The following LSAMP variants were observed in gnomAD, a reference collection of about 807,000 sequenced individuals.
LSAMP encodes the protein limbic system associated membrane protein.
A neutral mutation model predicts 38.6 loss-of-function variants in LSAMP; 7 were observed. The ratio of observed to expected loss-of-function variants is 0.18; its 90% CI spans 0.10 to 0.34. The LOEUF is 0.34. Among genes scored for constraint, LSAMP ranks in the 10% least tolerant of loss-of-function variants. LSAMP has a pLI of 1.00. For missense variants in LSAMP, 313 were observed against 420.0 expected, an observed-to-expected ratio of 0.75 and a Z score of 2.23; for synonymous variants, 154 against 166.8, an observed-to-expected ratio of 0.92 and a Z score of 0.59.
intron 3 of LSAMP, among the ~76,000 whole-genome samples, chr3:116,016,868 T>C (rs1285824315): frequency 6.6e-6 from 1 of 152,174 alleles, no homozygotes; most frequent in Non-Finnish European, 1.5e-5. Flanking sequence ...AGGCAGTACA[T>C]AAATGGAGCA....
intron 1 of LSAMP, among the ~76,000 whole-genome samples, chr3:116,353,984 T>C (rs2107768989): frequency 6.6e-6 from 1 of 152,308 alleles, no homozygotes; most frequent in Non-Finnish European, 1.5e-5. Context: ...ACTTGACAGC[T>C]ATGAGCATTA....
chr3:116,182,468 C>A (rs74419206), intron 1 of LSAMP, among the ~76,000 whole-genome samples: 1 of 151,240 alleles, frequency 6.6e-6, no homozygotes, highest in Non-Finnish European at 1.5e-5. Flanking sequence ...TAGAAGTCTG[C>A]CAATTAAAAC....
intron 3 of LSAMP, among the ~76,000 whole-genome samples, chr3:115,987,447 GT>G (rs1201112580): frequency 6.6e-6 from 1 of 152,118 alleles, no homozygotes; most frequent in Non-Finnish European, 1.5e-5. Flanking sequence ...CACTTTTATT[GT>G]TTTAAACAAT....
chr3:116,186,391 AT>A (rs1359255762), intron 1 of LSAMP, among the ~76,000 whole-genome samples: 1 of 152,080 alleles, frequency 6.6e-6, no homozygotes, highest in Non-Finnish European at 1.5e-5. Flanking sequence ...CTTGATCTCT[AT>A]CTTGAGTGAT....
At chr3:116,053,310 C>T (rs920854443) in intron 2 of LSAMP, among the ~76,000 whole-genome samples, 1 of 152,198 alleles carries the variant, frequency 6.6e-6, no homozygotes, top group Non-Finnish European at 1.5e-5. Flanking sequence ...GCTCAAGGTA[C>T]TTCAGGGAAA....
intron 1 of LSAMP, among the ~76,000 whole-genome samples, chr3:116,112,211 A>C (rs558636230): frequency 6.6e-6 from 1 of 152,366 alleles, no homozygotes; most frequent in African/African-American, 2.4e-5. Context: ...AGATTAGTAC[A>C]GGGATTCTCC....
intron 2 of LSAMP, among the ~76,000 whole-genome samples, chr3:116,038,875 T>C (rs1941105019): frequency 6.6e-6 from 1 of 152,208 alleles, no homozygotes; most frequent in Non-Finnish European, 1.5e-5. Context: ...GAAACCACAA[T>C]TGAATAATGT....
intron 1 of LSAMP, among the ~76,000 whole-genome samples, chr3:116,434,269 T>A (rs373054276): frequency 9.9e-5 from 15 of 152,258 alleles, no homozygotes; most frequent in African/African-American, 3.4e-4. Flanking sequence ...TCTGTTCAAT[T>A]CAGTAGGCAA....
chr3:115,938,182 T>C (rs1937775328), intron 3 of LSAMP, among the ~76,000 whole-genome samples: 1 of 152,138 alleles, frequency 6.6e-6, no homozygotes, highest in Non-Finnish European at 1.5e-5. Context: ...AGAAAATGAA[T>C]AGATAATTTA....
chr3:115,909,415 A>G (rs1937086343), intron 3 of LSAMP, among the ~76,000 whole-genome samples: 1 of 152,162 alleles, frequency 6.6e-6, no homozygotes, highest in Admixed American at 6.5e-5. Flanking sequence ...TGAATGGCAA[A>G]TGCTCAGGTA....
At chr3:116,120,609 C>CA (rs1429198935) in intron 1 of LSAMP, among the ~76,000 whole-genome samples, 1 of 152,122 alleles carries the variant, frequency 6.6e-6, no homozygotes, top group Non-Finnish European at 1.5e-5. Context: ...GTTCCCAGAG[C>CA]AAAAATCACA....
At chr3:116,253,733 T>A (rs906509392) in intron 1 of LSAMP, among the ~76,000 whole-genome samples, 1 of 152,118 alleles carries the variant, frequency 6.6e-6, no homozygotes, top group Non-Finnish European at 1.5e-5. Context: ...AGGAAGAAAG[T>A]AAATAAATAA....
At chr3:116,308,769 T>A (rs535025174) in intron 1 of LSAMP, among the ~76,000 whole-genome samples, 8 of 152,194 alleles carry the variant, frequency 5.3e-5, no homozygotes, top group African/African-American at 1.9e-4. Flanking sequence ...AATAAATCAC[T>A]TTTGAACATG....
At chr3:115,894,296 C>T (rs1405467661) in intron 3 of LSAMP, among the ~76,000 whole-genome samples, 1 of 152,004 alleles carries the variant, frequency 6.6e-6, no homozygotes, top group Non-Finnish European at 1.5e-5. Flanking sequence ...TGCCTATATC[C>T]TAATACTTCC....
chr3:115,854,198 G>T (rs1935421335), intron 3 of LSAMP, among the ~76,000 whole-genome samples: 2 of 149,620 alleles, frequency 1.3e-5, no homozygotes, highest in South Asian at 2.1e-4. Context: ...TCTTTATCTA[G>T]CACATGCTTC....
At chr3:116,112,481 A>G (rs950564979) in intron 1 of LSAMP, among the ~76,000 whole-genome samples, 1 of 152,194 alleles carries the variant, frequency 6.6e-6, no homozygotes, top group African/African-American at 2.4e-5. Context: ...ATGATCTATA[A>G]ATTAGTATCA....
chr3:116,099,679 T>C (rs972343433), intron 1 of LSAMP, among the ~76,000 whole-genome samples: 5 of 152,184 alleles, frequency 3.3e-5, no homozygotes, highest in African/African-American at 1.2e-4. Flanking sequence ...ATTTGTCCTA[T>C]GTAACCTCTT....
chr3:116,352,463 T>A (rs2048155470), intron 1 of LSAMP, among the ~76,000 whole-genome samples: 1 of 152,036 alleles, frequency 6.6e-6, no homozygotes, highest in Non-Finnish European at 1.5e-5. Context: ...ACAGAAGAAC[T>A]GAGGAAAGGC....
intron 2 of LSAMP, among the ~76,000 whole-genome samples, chr3:116,060,962 C>T (rs1258920564): frequency 2.6e-5 from 4 of 151,502 alleles, no homozygotes; most frequent in Admixed American, 2.6e-4. Flanking sequence ...TAATTTTTAA[C>T]ATTTTGCAGT....
Sources: allele counts gnomAD v4.1 joint callset (sites outside exome capture counted in the v4.1 genomes callset), GRCh38; gene constraint gnomAD v4.1.1; transcripts MANE v1.5; gene names NCBI Gene and HGNC (gene_info 2026-07-23, HGNC 2026-07-21).